The following PCDHA3 variants were observed in gnomAD, a reference collection of about 807,000 sequenced individuals.
PCDHA3 encodes the protein protocadherin alpha-3.
Under a neutral mutation model 62.2 loss-of-function variants are expected in PCDHA3, and 41 were observed. The ratio of observed to expected loss-of-function variants is 0.66; its 90% confidence interval spans 0.51 to 0.86. PCDHA3 has a LOEUF of 0.86. Among genes scored for constraint, PCDHA3 ranks in the 40% least tolerant of loss-of-function variants. The pLI is 0.00. For missense variants in PCDHA3, 1,304 were observed against 1,241.2 expected (o/e 1.05, Z -0.76); for synonymous variants, 640 against 555.4 (o/e 1.15, Z -2.14).
intron 1 of PCDHA3, chr5:140,875,915 T>C: frequency 6.2e-7 from 1 of 1,614,214 alleles, no homozygotes; most frequent in Non-Finnish European, 8.5e-7. Context: ...TCTGCGCCTC[T>C]GGACTCTCAT....
intron 1 of PCDHA3, among the ~76,000 whole-genome samples, chr5:140,840,888 C>T (rs1776926383): frequency 1.3e-5 from 2 of 151,946 alleles, no homozygotes; most frequent in South Asian, 4.2e-4. Flanking sequence ...TTTCTGATAT[C>T]CATGACATAC....
chr5:140,978,978 C>T lies in PCDHA3; in HGVS notation c.2424C>T (p.Tyr808=). Residue 808 remains tyrosine (Y), a synonymous_variant, in exon 2 of 4, where the codon TAC becomes TAT. Coordinates refer to ENST00000522353, the MANE Select transcript of PCDHA3 (RefSeq NM_018906.3). ...KPRQPNPDWR[Y]SASLRAGMHS... ...GACAGCCCAACCCTGACTGGCGTTA[C>T]TCTGCCTCCCTGAGAGCAGGCATGC... 1 of 1,614,204 alleles carries T rather than the reference C, an allele frequency of 6.2e-7. No homozygotes were observed. The highest frequency in any genetic ancestry group is 8.5e-7 in the Non-Finnish European group (1 of 1,180,030).
In PCDHA3 at chr5:140,830,077, G is replaced by T. The variant is rs2150180808; in HGVS notation, c.2394+26486G>T. The T allele has an allele frequency of 8.1e-6, 13 of 1,613,546 alleles. No homozygotes were observed. In the South Asian group the frequency reaches 1.2e-4, roughly 15 times the overall value. On this transcript the variant is annotated intron_variant, in intron 1 of 3. Transcript: ENST00000522353. Reference sequence around the variant, plus strand: ...ACGGTGAGCCGGCGCTGACAGCGACGGCCACGGTTCTGGTGTCGCTGGTGG... The same window carrying T: ...ACGGTGAGCCGGCGCTGACAGCGACTGCCACGGTTCTGGTGTCGCTGGTGG...
intron 1 of PCDHA3, among the ~76,000 whole-genome samples, chr5:140,924,695 G>C (rs1190287077): frequency 2.6e-5 from 4 of 152,024 alleles, no homozygotes; most frequent in African/African-American, 9.7e-5. Context: ...AGGAGTTCGA[G>C]ACCAGCTTGT....
chr5:140,814,792 T>C (rs1765590173), intron 1 of PCDHA3: 1 of 152,218 alleles, frequency 6.6e-6, no homozygotes, highest in South Asian at 2.1e-4. Context: ...AACGTTGTTA[T>C]ACAACACTTG....
chr5:140,965,493 C>A (rs1214376252), intron 1 of PCDHA3, among the ~76,000 whole-genome samples: 1 of 147,046 alleles, frequency 6.8e-6, no homozygotes, highest in African/African-American at 2.5e-5. Flanking sequence ...TTAATGACAG[C>A]AGATTTTTTT....
intron 1 of PCDHA3, among the ~76,000 whole-genome samples, chr5:140,947,946 C>T (rs1396530064): frequency 2.0e-5 from 3 of 151,452 alleles, no homozygotes; most frequent in African/African-American, 7.3e-5. Flanking sequence ...AAAAGTGTTC[C>T]ATATTTTACA....
rs782305354 is a variant in PCDHA3, at chr5:140,802,540, T to C, written c.1343T>C (p.Val448Ala). The C allele has an allele frequency of 1.7e-5, 28 of 1,614,016 alleles. No homozygotes were observed. Among genetic ancestry groups the C allele is most frequent in the Non-Finnish European group, 2.1e-5 (25 of 1,180,034 alleles). Reference sequence around the variant, plus strand: ...AGCGTGTCCGTGGAGGTGGCCGACGTGAACGACAATGCGCCGGCATTCTCG... The same window carrying C: ...AGCGTGTCCGTGGAGGTGGCCGACGCGAACGACAATGCGCCGGCATTCTCG... The part of the protein sequence containing the change: ...TASVSVEVAD[V>A]NDNAPAFSQS... Residue 448 changes from valine to alanine, a missense_variant, in exon 1 of 4, where the codon GTG (valine) becomes GCG (alanine). Coordinates refer to ENST00000522353, the MANE Select transcript of PCDHA3 (RefSeq NM_018906.3).
At chr5:140,988,828 A>C (rs1554250455) in intron 3 of PCDHA3, 1 of 152,170 alleles carries the variant, frequency 6.6e-6, no homozygotes, top group Non-Finnish European at 1.5e-5. Flanking sequence ...CCAAACAGAG[A>C]TCACGTGTCT....
intron 1 of PCDHA3, chr5:140,860,221 A>G (rs545032981): frequency 3.3e-5 from 5 of 149,836 alleles, no homozygotes; most frequent in Non-Finnish European, 7.4e-5. Flanking sequence ...ACTTATGTAT[A>G]TATAAGCCAG....
chr5:140,856,156 G>A, intron 1 of PCDHA3: 1 of 1,598,364 alleles, frequency 6.3e-7, no homozygotes, highest in Non-Finnish European at 8.6e-7. Context: ...CAGTCTACGA[G>A]GAGGCCAGAC....
At chr5:140,869,325 T>C in intron 1 of PCDHA3, 2 of 1,613,866 alleles carry the variant, frequency 1.2e-6, no homozygotes, top group Non-Finnish European at 1.7e-6. Flanking sequence ...ATGGGGACCT[T>C]CTGGAGGTAA....
chr5:140,802,984 C>G lies in PCDHA3; in HGVS notation c.1787C>G (p.Ala596Gly). Residue 596 changes from alanine to glycine, a missense_variant, in exon 1 of 4, where the codon GCA (alanine) becomes GGA (glycine). Physicochemically the swap from Ala to Gly is moderately conservative, Grantham distance 60. Transcript: ENST00000522353. The stretch of plus-strand genomic sequence containing the variant: ...GGCCACGTGGTAGCGAAGGTGCGCG[C>G]AGTGGATGCAGACTCAGGCTACAAC... ...GAGHVVAKVR[A>G]VDADSGYNAW... The G allele has an allele frequency of 1.2e-6, 2 of 1,614,030 alleles. No homozygotes were observed. The highest frequency in any genetic ancestry group is 1.7e-6 in the Non-Finnish European group (2 of 1,179,938).
In PCDHA3 at chr5:141,010,200, C is replaced by T. The variant is rs1356287133; in HGVS notation, c.*263C>T. On this transcript the variant is annotated 3_prime_UTR_variant, in exon 4 of 4. Coordinates refer to ENST00000522353, the MANE Select transcript of PCDHA3 (RefSeq NM_018906.3). ...AGCAGACCCAAGTTTCCTTTCTCCTCCGCCGCAAAGGAGAGGCTTCCCAGC... is the reference window on the plus strand; with the variant it reads ...AGCAGACCCAAGTTTCCTTTCTCCTTCGCCGCAAAGGAGAGGCTTCCCAGC... The T allele has an allele frequency of 1.3e-6, 2 of 1,551,984 alleles. No individual in the cohort carries two copies. Among genetic ancestry groups the T allele is most frequent in the African/African-American group, 2.7e-5 (2 of 73,038 alleles).
intron 1 of PCDHA3, chr5:140,835,910 A>C (rs2150248144): frequency 1.2e-6 from 2 of 1,612,256 alleles, no homozygotes; most frequent in Non-Finnish European, 1.7e-6. Context: ...GCTACGTGTC[A>C]GTGCACGCGG....
intron 1 of PCDHA3, chr5:140,825,468 A>G (rs1470397063): frequency 1.3e-5 from 2 of 149,758 alleles, no homozygotes; most frequent in Non-Finnish European, 3.0e-5. Context: ...TTGATACAGA[A>G]TTTTGCTCTT....
intron 3 of PCDHA3, among the ~76,000 whole-genome samples, chr5:141,008,075 G>A (rs1002549445): frequency 2.0e-5 from 3 of 152,004 alleles, no homozygotes; most frequent in Non-Finnish European, 1.5e-5. Flanking sequence ...GAACTTATTG[G>A]GGTTATTCTA....
At chr5:140,962,803 T>C (rs2095709614) in intron 1 of PCDHA3, among the ~76,000 whole-genome samples, 1 of 152,240 alleles carries the variant, frequency 6.6e-6, no homozygotes. Context: ...TGGACAACTC[T>C]AAACATCAGA....
At chr5:141,003,081 T>C (rs2098110268) in intron 3 of PCDHA3, among the ~76,000 whole-genome samples, 1 of 152,238 alleles carries the variant, frequency 6.6e-6, no homozygotes, top group Admixed American at 6.5e-5. Context: ...AGGGTGAGTT[T>C]AACAGGCCTG....
Sources: allele counts gnomAD v4.1 joint callset (sites outside exome capture counted in the v4.1 genomes callset), GRCh38; gene constraint gnomAD v4.1.1; transcripts MANE v1.5; gene names NCBI Gene and HGNC (gene_info 2026-07-23, HGNC 2026-07-21).